The following PDE1A variants were observed in gnomAD, a reference collection of about 807,000 sequenced individuals.
PDE1A encodes the protein dual specificity calcium/calmodulin-dependent 3',5'-cyclic nucleotide phosphodiesterase 1A.
Under a neutral mutation model 61.7 loss-of-function variants are expected in PDE1A, and 35 were observed. The ratio of observed to expected loss-of-function variants is 0.57; its 90% CI spans 0.43 to 0.75. The LOEUF (loss-of-function observed/expected upper bound fraction) is 0.75, where lower values mean the gene tolerates loss of function less well. Ranked by LOEUF, PDE1A falls within the 30% of genes least tolerant of loss-of-function variation. The pLI, the probability that PDE1A is intolerant of heterozygous loss-of-function variation, is 0.00. For synonymous variants in PDE1A, 232 were observed against 213.2 expected, an observed-to-expected ratio of 1.09 and a Z score of -0.77; for missense variants, 597 against 630.6, an observed-to-expected ratio of 0.95 and a Z score of 0.57.
At chr2:182,409,042 T>C (rs1208743153) in intron 1 of PDE1A, among the ~76,000 whole-genome samples, 3 of 152,212 alleles carry the variant, frequency 2.0e-5, no homozygotes, top group African/African-American at 4.8e-5. Context: ...AGCTTCATTA[T>C]TGGTCACTTC....
intron 2 of PDE1A, among the ~76,000 whole-genome samples, chr2:182,446,449 A>T (rs369727040): frequency 7.2e-5 from 11 of 152,136 alleles, no homozygotes; most frequent in African/African-American, 2.7e-4. Flanking sequence ...CATTTGTTAA[A>T]TTGAGTGCAG....
chr2:182,536,882 A>G, the PDE1A span, among the ~76,000 whole-genome samples: 1 of 152,138 alleles, frequency 6.6e-6, no homozygotes, highest in Non-Finnish European at 1.5e-5. Flanking sequence ...ATTACCCTAA[A>G]GCCACCATGC....
chr2:182,186,496 C>A (rs770064634), exon 12 of PDE1A: 2 of 1,612,786 alleles, frequency 1.2e-6, no homozygotes, highest in African/African-American at 2.7e-5. Context: ...GAAGTTTCGG[C>A]TTTTGAGGCT....
the PDE1A span, among the ~76,000 whole-genome samples, chr2:182,711,480 T>C: frequency 8.0e-4 from 122 of 151,946 alleles, no homozygotes; most frequent in African/African-American, 2.8e-3. Context: ...TGTGTGAGTA[T>C]GTGTGTATAT....
At chr2:182,606,908 C>T in the PDE1A span, among the ~76,000 whole-genome samples, 84,699 of 152,014 alleles carry the variant, frequency 0.56, 23,979 homozygotes, top group Admixed American at 0.67. Flanking sequence ...GCTCACTGTG[C>T]ACAAAGCCAG....
intron 1 of PDE1A, among the ~76,000 whole-genome samples, chr2:182,399,620 T>C (rs189645947): frequency 6.6e-5 from 10 of 152,236 alleles, no homozygotes; most frequent in Admixed American, 3.9e-4. Flanking sequence ...CTTATACAAG[T>C]ATTTACAAAT....
At chr2:182,177,730 C>T (rs1190780351) in intron 13 of PDE1A, among the ~76,000 whole-genome samples, 1 of 148,534 alleles carries the variant, frequency 6.7e-6, no homozygotes, top group African/African-American at 2.5e-5. Flanking sequence ...TTGGATTTCC[C>T]CATAATAAAA....
At chr2:182,431,123 A>T (rs1483323438), upstream of PDE1A, among the ~76,000 whole-genome samples, 4 of 16,774 alleles carry the variant, frequency 2.4e-4, no homozygotes, top group East Asian at 0.12. Flanking sequence ...AAAAACATTA[A>T]AAAAAAAAAA....
intron 1 of PDE1A, among the ~76,000 whole-genome samples, chr2:182,369,626 T>A (rs956759765): frequency 1.3e-5 from 2 of 151,008 alleles, no homozygotes; most frequent in Non-Finnish European, 2.9e-5. Context: ...AAGTGATAAA[T>A]CCTGCAGCAT....
the PDE1A span, among the ~76,000 whole-genome samples, chr2:182,532,068 C>G: frequency 6.6e-6 from 1 of 152,070 alleles, no homozygotes; most frequent in Admixed American, 6.5e-5. Context: ...GTATTGAATA[C>G]TGATGTGTAC....
rs1446435239 is a variant in PDE1A, at chr2:182,400,885, G to A, written c.53+25693C>T. On this transcript the variant is annotated intron_variant, in intron 1 of 13. Transcript: ENST00000351439. ...GTAGAGAAACCACCTTTGCCAAAAT[G>A]TCAGAGCATTTCTCATCTTCAAGTC... 2.0e-5 allele frequency among the ~76,000 whole-genome samples: 3 copies of A among 152,254 alleles called. No individual in the cohort carries two copies. The East Asian group carries it at 5.8e-4, about 29-fold the overall frequency.
chr2:182,541,363 C>T, the PDE1A span, among the ~76,000 whole-genome samples: 3 of 152,106 alleles, frequency 2.0e-5, no homozygotes, highest in African/African-American at 7.2e-5. Context: ...AATAAAAAGC[C>T]AACAGAGATT....
chr2:182,275,392 A>G (rs1693333456), intron 1 of PDE1A, among the ~76,000 whole-genome samples: 1 of 152,110 alleles, frequency 6.6e-6, no homozygotes, highest in East Asian at 1.9e-4. Flanking sequence ...GAACCTGGGA[A>G]ATTTAGCTAT....
Position 182,267,045 on chromosome 2 carries a change from A to G in PDE1A, c.54-2631T>C, listed in dbSNP as rs145378754. Among the ~76,000 whole-genome samples the G allele has an allele frequency of 2.9e-3, 449 of 152,308 alleles. 2 individuals are homozygous for G. Among genetic ancestry groups the G allele is most frequent in the African/African-American group, 0.01 (436 of 41,584 alleles). On this transcript the variant is annotated intron_variant, in intron 1 of 13. Coordinates refer to ENST00000351439, the Ensembl canonical transcript of PDE1A. Reference sequence around the variant, plus strand: ...AGAATGAAGCAAAATAAGGTTGTCAAGAATGGAGAAATCTTCATTATCAAA... The same window carrying G: ...AGAATGAAGCAAAATAAGGTTGTCAGGAATGGAGAAATCTTCATTATCAAA...
chr2:182,299,719 A>C (rs778260743), intron 1 of PDE1A, among the ~76,000 whole-genome samples: 32 of 152,144 alleles, frequency 2.1e-4, no homozygotes, highest in Non-Finnish European at 3.4e-4. Context: ...TGAAATGATA[A>C]ATTTTTTTCC....
the PDE1A span, among the ~76,000 whole-genome samples, chr2:182,711,475 G>A: frequency 6.6e-6 from 1 of 151,976 alleles, no homozygotes; most frequent in African/African-American, 2.4e-5. Context: ...GTATATGTGT[G>A]AGTATGTGTG....
At chr2:182,469,269 C>T (rs1686874212) in intron 2 of PDE1A, among the ~76,000 whole-genome samples, 1 of 151,932 alleles carries the variant, frequency 6.6e-6, no homozygotes, top group Non-Finnish European at 1.5e-5. Flanking sequence ...CTACCTTCAT[C>T]AATAATCTTA....
chr2:182,221,406 G>A (rs554727671), intron 7 of PDE1A, among the ~76,000 whole-genome samples: 2 of 152,206 alleles, frequency 1.3e-5, no homozygotes, highest in African/African-American at 4.8e-5. Context: ...TGGATCCAGT[G>A]GATGTAGAGA....
intron 1 of PDE1A, among the ~76,000 whole-genome samples, chr2:182,287,887 G>T (rs1020875380): frequency 4.6e-5 from 7 of 152,158 alleles, no homozygotes; most frequent in Non-Finnish European, 1.0e-4. Context: ...TTTATGTGTA[G>T]TAAACCACTT....
Sources: gnomAD v4.1 joint callset for allele counts (sites outside exome capture counted in the v4.1 genomes callset) on GRCh38, gnomAD v4.1.1 for gene constraint, MANE v1.5 for transcripts, NCBI Gene and HGNC (gene_info 2026-07-23, HGNC 2026-07-21) for gene names.